Variants in CEP152 observed in about 807,000 individuals in gnomAD.
The protein encoded by CEP152 is centrosomal protein 152, also known as centrosomal protein of 152 kDa.
Under a neutral mutation model 188.9 loss-of-function variants are expected in CEP152, and 132 were observed. The observed-to-expected ratio is 0.70, with a 90% CI of 0.61 to 0.81. The LOEUF (loss-of-function observed/expected upper bound fraction) is 0.81, where lower values mean the gene tolerates loss of function less well. Ranked by LOEUF, CEP152 falls within the 30% of genes least tolerant of loss-of-function variation. The pLI is 0.00. For missense variants in CEP152, 1,914 were observed against 1,969.8 expected, an observed-to-expected ratio of 0.97 and a Z score of 0.54; for synonymous variants, 649 against 666.6, an observed-to-expected ratio of 0.97 and a Z score of 0.41.
At chr15:48,755,082 C>T (rs1378753176) in intron 20 of CEP152, among the ~76,000 whole-genome samples, 1 of 151,690 alleles carries the variant, frequency 6.6e-6, no homozygotes, top group East Asian at 1.9e-4. Flanking sequence ...CTCAGAATAT[C>T]ATTCTGGATC....
chr15:48,743,089 T>C (rs971243454), intron 24 of CEP152, among the ~76,000 whole-genome samples: 3 of 152,206 alleles, frequency 2.0e-5, no homozygotes, highest in Admixed American at 2.0e-4. Context: ...CACATTAGGA[T>C]GAAAACATGC....
At chr15:48,789,056 T>C (rs1016703444) in intron 8 of CEP152, 55 bp from the exon 9 acceptor site, 6 of 1,450,582 alleles carry the variant, frequency 4.1e-6, no homozygotes, top group Admixed American at 3.4e-5. Flanking sequence ...GTATTTTAGC[T>C]CTGTGCTGTC....
intron 2 of CEP152, among the ~76,000 whole-genome samples, chr15:48,801,254 T>G (rs2140919290): frequency 6.6e-6 from 1 of 152,272 alleles, no homozygotes; most frequent in South Asian, 2.1e-4. Context: ...GCTTTACAAC[T>G]CCCTCTAGTG....
intron 14 of CEP152, 57 bp downstream of exon 14, chr15:48,768,899 T>G: frequency 7.8e-7 from 1 of 1,280,890 alleles, no homozygotes; most frequent in Non-Finnish European, 1.1e-6. Flanking sequence ...ATTATATCCT[T>G]TGTATTTAAT....
chr15:48,762,930 G>C (rs1185620204), intron 17 of CEP152, among the ~76,000 whole-genome samples: 2 of 151,860 alleles, frequency 1.3e-5, no homozygotes, highest in African/African-American at 4.8e-5. Context: ...AGGATATCTT[G>C]CTCTTAATAT....
At chr15:48,757,017 G>C (rs200494724) in intron 19 of CEP152, among the ~76,000 whole-genome samples, 1 of 152,062 alleles carries the variant, frequency 6.6e-6, no homozygotes, top group Non-Finnish European at 1.5e-5. Context: ...TTAGTGGCTA[G>C]AACAGTTCAT....
chr15:48,765,395 C>G (rs1283667249), intron 17 of CEP152, among the ~76,000 whole-genome samples: 1 of 151,690 alleles, frequency 6.6e-6, no homozygotes, highest in Non-Finnish European at 1.5e-5. Context: ...TTTTGGGATA[C>G]ACGTGAAAAA....
chr15:48,750,264 A>ATT (rs1893777811), intron 21 of CEP152, among the ~76,000 whole-genome samples: 1 of 152,166 alleles, frequency 6.6e-6, no homozygotes, highest in African/African-American at 2.4e-5. Flanking sequence ...GGCACAGAGC[A>ATT]AGTACACAAT....
chr15:48,782,390 A>G (rs939896400), intron 10 of CEP152, among the ~76,000 whole-genome samples, 160 bp from the exon 11 acceptor site: 2 of 152,240 alleles, frequency 1.3e-5, no homozygotes, highest in South Asian at 4.1e-4. Context: ...CCCAGAAGGC[A>G]TAGGTCTGGG....
At chr15:48,789,042 CAG>C in intron 8 of CEP152, 41 bp from the exon 9 acceptor site, 1 of 1,535,754 alleles carries the variant, frequency 6.5e-7, no homozygotes, top group African/African-American at 1.4e-5. Context: ...AAAATATACA[CAG>C]AGTATTTTAG....
chr15:48,810,971 G>C lies in CEP152; in HGVS notation c.-18C>G, dbSNP rs1898296853. ...TGAATCAGAACTTACCGGAGGCCAC[G>C]GAGGCTGTTACCGCGAGGAAACTCT... On this transcript the variant is annotated 5_prime_UTR_variant, in exon 1 of 27. Transcript: ENST00000380950. The C allele has an allele frequency of 6.6e-6, 1 of 152,522 alleles. No homozygotes were observed. The allele number at this position is 152,522 out of a possible 1,614,324, so 9.4% of individuals were successfully genotyped here.
intron 26 of CEP152, among the ~76,000 whole-genome samples, chr15:48,740,202 A>G (rs887278854): frequency 2.0e-5 from 3 of 152,248 alleles, no homozygotes; most frequent in African/African-American, 7.2e-5. Flanking sequence ...TTGGGAGACT[A>G]TTCCATTATC....
chr15:48,744,202 G>C (rs1244676662), intron 24 of CEP152, 38 bp downstream of exon 24: 16 of 1,609,302 alleles, frequency 9.9e-6, no homozygotes, highest in African/African-American at 1.3e-5. Flanking sequence ...AATAAAAAAG[G>C]CCCAAGCCAT....
intron 21 of CEP152, among the ~76,000 whole-genome samples, chr15:48,751,753 T>C (rs1893890436): frequency 6.6e-6 from 1 of 152,178 alleles, no homozygotes; most frequent in Non-Finnish European, 1.5e-5. Flanking sequence ...GAAATCTCCA[T>C]GAATAGGCAA....
intron 12 of CEP152, among the ~76,000 whole-genome samples, chr15:48,779,684 A>G (rs1896127487): frequency 6.6e-6 from 1 of 152,202 alleles, no homozygotes; most frequent in South Asian, 2.1e-4. Flanking sequence ...TAAAATGGCA[A>G]AACTATTATT....
At chr15:48,769,740 A>T (rs559878787) in intron 13 of CEP152, among the ~76,000 whole-genome samples, 1 of 152,314 alleles carries the variant, frequency 6.6e-6, no homozygotes, top group African/African-American at 2.4e-5. Flanking sequence ...CATTTATTCT[A>T]TTTCTGTATG....
intron 2 of CEP152, among the ~76,000 whole-genome samples, chr15:48,799,488 G>C (rs1175591667): frequency 1.3e-5 from 2 of 151,752 alleles, no homozygotes; most frequent in Non-Finnish European, 2.9e-5. Context: ...TTTTTTAAAG[G>C]GTTTCTCAAT....
At position 48,756,338 on chromosome 15, in the gene CEP152, T is replaced by A; in HGVS notation, c.2910A>T (p.Arg970Ser). The part of the protein sequence containing the change: ...WNKEKQEEIH[R>S]IQEQNEQDYR... ...AATCTTGCTCATTTTGTTCTTGGAT[T>A]CTGTGGATTTCTTCTTGCTTTTCTT... The change falls in exon 20 of 27, where the codon AGA (arginine) becomes AGT (serine). Residue 970 changes from arginine to serine, a missense_variant. Physicochemically the swap from Arg to Ser is moderately radical, Grantham distance 110. Transcript: ENST00000380950. The A allele has an allele frequency of 6.4e-7, 1 of 1,573,394 alleles. No homozygotes were observed. The highest frequency in any genetic ancestry group is 1.2e-5 in the South Asian group (1 of 82,746).
chr15:48,738,862 G>A lies in CEP152; in HGVS notation c.4520C>T (p.Ser1507Leu), dbSNP rs771133500. ...PFLGTLGNKP[S>L]PRCTPGPSES... ...AGAAGGACCAGGGGTACATCTAGGT[G>A]AGGGTTTATTTCCTAAGGTTCCAAG... The change falls in exon 27 of 27, where the codon TCA (serine) becomes TTA (leucine). Residue 1507 changes from serine to leucine, a missense_variant. Ser to Leu is a moderately radical substitution (Grantham distance 145). Transcript: ENST00000380950. The A allele has an allele frequency of 1.9e-6, 3 of 1,614,236 alleles. No individual in the cohort carries two copies. The highest frequency in any genetic ancestry group is 1.1e-5 in the South Asian group (1 of 91,082).
Sources: gnomAD v4.1 joint callset for allele counts (sites outside exome capture counted in the v4.1 genomes callset) on GRCh38, gnomAD v4.1.1 for gene constraint, MANE v1.5 for transcripts, NCBI Gene and HGNC (gene_info 2026-07-23, HGNC 2026-07-21) for gene names.